The following DCPS variants were observed in gnomAD, a reference collection of about 807,000 sequenced individuals.
DCPS encodes the protein m7GpppX diphosphatase.
In DCPS, 27 loss-of-function variants were observed where a neutral mutation model predicts 34.7. That is an observed-to-expected ratio of 0.78 (90% CI 0.57 to 1.07). The LOEUF is 1.07. DCPS is among the 50% of genes least tolerant of loss of function. The pLI is 0.00. For synonymous variants in DCPS, 185 were observed against 185.7 expected (o/e 1.00, Z 0.03); for missense variants, 464 against 436.9 (o/e 1.06, Z -0.55).
rs1383608416 is a variant in DCPS at position 126,315,712 on chromosome 11, G to A, written c.376+8968G>A. ...GTGTATCATCTCCATGCCACTCAAA[G>A]GAGATTGCTTTATTTTCTCTTTGAG... On this transcript the variant is annotated intron_variant, in intron 2 of 5. Coordinates refer to ENST00000263579, the MANE Select transcript of DCPS (RefSeq NM_014026.6). This position sits in a 1 kb window ranked among gnomAD's most constrained non-coding sequence, Gnocchi z 6.1. Among the ~76,000 whole-genome samples the A allele has an allele frequency of 6.6e-6, 1 of 151,978 alleles. No individual in the cohort carries two copies. Among genetic ancestry groups the A allele is most frequent in the Admixed American group, 6.6e-5 (1 of 15,254 alleles).
In DCPS at chr11:126,319,001, T is replaced by C. The variant is rs911800473; in HGVS notation, c.376+12257T>C. Among the ~76,000 whole-genome samples the C allele has an allele frequency of 2.0e-5, 3 of 152,008 alleles. No individual in the cohort carries two copies. The highest frequency in any genetic ancestry group is 2.0e-4 in the Admixed American group (3 of 15,268). On this transcript the variant is annotated intron_variant, in intron 2 of 5. Transcript: ENST00000263579. This position sits in a 1 kb window ranked among gnomAD's most constrained non-coding sequence, Gnocchi z 4.5. ...CCACCTCTGAGAGCAGTTGGGCTTTTGTGTCTAGACGGGGGACAAAGGGTG... is the reference window on the plus strand; with the variant it reads ...CCACCTCTGAGAGCAGTTGGGCTTTCGTGTCTAGACGGGGGACAAAGGGTG...
In DCPS at chr11:126,328,509, G is replaced by A. The variant is rs1162901733; in HGVS notation, c.377-2896G>A. 6.6e-6 allele frequency among the ~76,000 whole-genome samples: 1 copy of A among 152,178 alleles called. No individual in the cohort carries two copies. Among genetic ancestry groups the A allele is most frequent in the East Asian group, 1.9e-4 (1 of 5,186 alleles). ...GTGGATGCTCTTGCTGCTGAGGGGA[G>A]GCGGGAGGGGCTGGCTGGGTGAGAC... On this transcript the variant is annotated intron_variant, in intron 2 of 5. Transcript: ENST00000263579. The surrounding 1 kb of genome is among the most constrained non-coding windows in gnomAD (Gnocchi z 6.6).
chr11:126,330,719 A>ATT lies in DCPS; in HGVS notation c.377-653_377-652dup, dbSNP rs1167717646. ...TATATATATATATATATATATATAT[A>ATT]TTTTTTTTTTTTTTTTTTTTTTTTT... On this transcript the variant is annotated intron_variant, in intron 2 of 5. Coordinates refer to ENST00000263579, the MANE Select transcript of DCPS (RefSeq NM_014026.6). Among the ~76,000 whole-genome samples the ATT allele has an allele frequency of 3.4e-3, 64 of 18,872 alleles. 3 individuals are homozygous for ATT. Among genetic ancestry groups the ATT allele is most frequent in the South Asian group, 6.8e-3 (2 of 292 alleles). 12.4% of individuals were successfully genotyped at this position (18,872 alleles called of 152,430 possible).
chr11:126,338,501 A>G lies in DCPS; in HGVS notation c.636+102A>G. On this transcript the variant is annotated intron_variant, in intron 4 of 5. Transcript: ENST00000263579. This position sits in a 1 kb window ranked among gnomAD's most constrained non-coding sequence, Gnocchi z 5.4. Reference sequence around the variant, plus strand: ...CTCACGCTGGCCTGTCTCTAAGCAGATTATAATTAACCAACAAGGGTTGGC... The same window carrying G: ...CTCACGCTGGCCTGTCTCTAAGCAGGTTATAATTAACCAACAAGGGTTGGC... 2 of 1,071,108 alleles carry G rather than the reference A, an allele frequency of 1.9e-6. No individual in the cohort carries two copies. The highest frequency in any genetic ancestry group is 2.8e-6 in the Non-Finnish European group (2 of 703,576). 66.4% of individuals were successfully genotyped at this position (1,071,108 alleles called of 1,614,324 possible). A position where few individuals can be genotyped will look rare whatever the true frequency, so the allele number is the denominator to read the frequency against.
chr11:126,314,606 A>G (rs529360704), intron 2 of DCPS, among the ~76,000 whole-genome samples: 2 of 152,286 alleles, frequency 1.3e-5, no homozygotes, highest in South Asian at 4.1e-4. Context: ...CCATCAATCA[A>G]CAAGTGGATA....
In DCPS at chr11:126,327,393, G is replaced by C. The variant is rs1336790807; in HGVS notation, c.377-4012G>C. Among the ~76,000 whole-genome samples the C allele has an allele frequency of 6.6e-6, 1 of 152,222 alleles. No homozygotes were observed. The highest frequency in any genetic ancestry group is 1.5e-5 in the Non-Finnish European group (1 of 68,038). On this transcript the variant is annotated intron_variant, in intron 2 of 5. Transcript: ENST00000263579. This position sits in a 1 kb window ranked among gnomAD's most constrained non-coding sequence, Gnocchi z 4.1. ...GCACATGATGTCGGCGTGCCCAGCA[G>C]GGGTGACGGTGACGCCCATGGCCTG...
chr11:126,330,369 TGGATTAAA>T (rs772900568), intron 2 of DCPS, among the ~76,000 whole-genome samples: 2 of 152,280 alleles, frequency 1.3e-5, no homozygotes, highest in Non-Finnish European at 2.9e-5. Context: ...TGAGAAACCC[TGGATTAAA>T]CATCACAGCA....
intron 2 of DCPS, among the ~76,000 whole-genome samples, chr11:126,307,663 T>C (rs1951583536): frequency 6.6e-6 from 1 of 152,140 alleles, no homozygotes; most frequent in Non-Finnish European, 1.5e-5. Flanking sequence ...CGTCTTGGCC[T>C]CCCAAAGTGC....
Position 126,313,557 on chromosome 11 carries a change from A to T in DCPS, c.376+6813A>T, listed in dbSNP as rs891413501. Among the ~76,000 whole-genome samples the T allele has an allele frequency of 6.6e-6, 1 of 152,212 alleles. No individual in the cohort carries two copies. The highest frequency in any genetic ancestry group is 1.5e-5 in the Non-Finnish European group (1 of 68,040). ...AAGGATAAATCTCACCATGTAGGGC[A>T]AGAAAAGCATGACACAGAATACACA... On this transcript the variant is annotated intron_variant, in intron 2 of 5. Transcript: ENST00000263579. The surrounding 1 kb of genome is among the most constrained non-coding windows in gnomAD (Gnocchi z 4.9).
In DCPS at chr11:126,319,946, A is replaced by G. The variant is rs1157446631; in HGVS notation, c.377-11459A>G. The stretch of plus-strand genomic sequence containing the variant: ...TGTTACACAAGTGATATGTAAATAT[A>G]TATAACTCCATCATCCAGGATTGAT... On this transcript the variant is annotated intron_variant, in intron 2 of 5. Coordinates refer to ENST00000263579, the MANE Select transcript of DCPS (RefSeq NM_014026.6). This position sits in a 1 kb window ranked among gnomAD's most constrained non-coding sequence, Gnocchi z 4.5. Among the ~76,000 whole-genome samples the G allele has an allele frequency of 6.6e-6, 1 of 152,000 alleles. No individual in the cohort carries two copies. Among genetic ancestry groups the G allele is most frequent in the African/African-American group, 2.4e-5 (1 of 41,364 alleles).
rs757309298 is a variant in DCPS at position 126,338,263 on chromosome 11, C to T, written c.523-23C>T. On this transcript the variant is annotated intron_variant, in intron 3 of 5. Coordinates refer to ENST00000263579, the MANE Select transcript of DCPS (RefSeq NM_014026.6). The surrounding 1 kb of genome is among the most constrained non-coding windows in gnomAD (Gnocchi z 5.4). ...AGGGGTGATGAGTGGATTTGTGAAC[C>T]ATCTCTCTCCCCCTCCTTTCAGTGG... is the stretch of plus-strand genomic sequence containing the variant. The T allele has an allele frequency of 1.2e-6, 2 of 1,609,632 alleles. No individual in the cohort carries two copies. Among genetic ancestry groups the T allele is most frequent in the African/African-American group, 1.3e-5 (1 of 74,826 alleles).
In DCPS at chr11:126,325,791, A is replaced by G. The variant is rs950601569; in HGVS notation, c.377-5614A>G. Among the ~76,000 whole-genome samples the G allele has an allele frequency of 3.3e-5, 5 of 152,112 alleles. No homozygotes were observed. The highest frequency in any genetic ancestry group is 7.2e-5 in the African/African-American group (3 of 41,432). Reference sequence around the variant, plus strand: ...AAGATTTTCCAGGGATAGATTTTTGAGGGTTTATGGTTATCCCAGGCTGTG... The same window carrying G: ...AAGATTTTCCAGGGATAGATTTTTGGGGGTTTATGGTTATCCCAGGCTGTG... On this transcript the variant is annotated intron_variant, in intron 2 of 5. Coordinates refer to ENST00000263579, the MANE Select transcript of DCPS (RefSeq NM_014026.6). This position sits in a 1 kb window ranked among gnomAD's most constrained non-coding sequence, Gnocchi z 4.3.
rs184746724 is a variant in DCPS, at chr11:126,347,517, C to A, written c.*1904C>A. 6.0e-4 allele frequency among the ~76,000 whole-genome samples: 91 copies of A among 152,332 alleles called. 1 individual carries two copies. Among genetic ancestry groups the A allele is most frequent in the African/African-American group, 2.1e-3 (87 of 41,582 alleles). On this transcript the variant is annotated 3_prime_UTR_variant, in exon 6 of 6. Transcript: ENST00000263579. The surrounding 1 kb of genome is among the most constrained non-coding windows in gnomAD (Gnocchi z 4.2). ...GGGATTCCAGGCGTGAGCCACCGCG[C>A]CCAGCCCCTGCAATACGTCAACAGT...
chr11:126,310,495 C>CA (rs1951611310), intron 2 of DCPS, among the ~76,000 whole-genome samples: 1 of 152,138 alleles, frequency 6.6e-6, no homozygotes, highest in Non-Finnish European at 1.5e-5. Context: ...GGGGTGGGGA[C>CA]ATAGTGGTGA....
rs1163115158 is a variant in DCPS, at chr11:126,312,567, C to T, written c.376+5823C>T. ...CGTTGGCCAGGCTGGTCTCAAACTC[C>T]TGATCTCGGGTGATCCGCCCGCTTT... On this transcript the variant is annotated intron_variant, in intron 2 of 5. Transcript: ENST00000263579. The surrounding 1 kb of genome is among the most constrained non-coding windows in gnomAD (Gnocchi z 5.1). 1.3e-5 allele frequency among the ~76,000 whole-genome samples: 2 copies of T among 152,248 alleles called. No homozygotes were observed. The highest frequency in any genetic ancestry group is 1.9e-4 in the East Asian group (1 of 5,172).
chr11:126,327,443 T>C lies in DCPS; in HGVS notation c.377-3962T>C, dbSNP rs1053919290. On this transcript the variant is annotated intron_variant, in intron 2 of 5. Transcript: ENST00000263579. This position sits in a 1 kb window ranked among gnomAD's most constrained non-coding sequence, Gnocchi z 4.1. ...GGCCGAGGTGGTAGCCTTTTGCTGC[T>C]GTAAAGCGACTCGTGTTCCCTTTGT... is the stretch of plus-strand genomic sequence containing the variant. Among the ~76,000 whole-genome samples the C allele has an allele frequency of 2.6e-5, 4 of 152,246 alleles. No homozygotes were observed. The highest frequency in any genetic ancestry group is 1.3e-4 in the Admixed American group (2 of 15,290).
At chr11:126,308,281 A>G (rs1951589977) in intron 2 of DCPS, among the ~76,000 whole-genome samples, 1 of 152,206 alleles carries the variant, frequency 6.6e-6, no homozygotes, top group Admixed American at 6.5e-5. Flanking sequence ...GTTTTACAGC[A>G]CATGGTGACT....
intron 2 of DCPS, among the ~76,000 whole-genome samples, chr11:126,308,960 C>T (rs116696936): frequency 0.015 from 2,346 of 151,952 alleles, 75 homozygotes; most frequent in African/African-American, 0.053. Context: ...CCCCAGGTGT[C>T]TCCAGGGCCA....
Position 126,346,906 on chromosome 11 carries a change from A to G in DCPS, c.*1293A>G, listed in dbSNP as rs113067745. Among the ~76,000 whole-genome samples, 3 of 152,230 alleles carry G rather than the reference A, an allele frequency of 2.0e-5. No homozygotes were observed. The highest frequency in any genetic ancestry group is 7.2e-5 in the African/African-American group (3 of 41,552). ...CCTTAGAAACAGCAGAATCACGAAC[A>G]TGGTGAAACCCATCTCTACTAAAAA... On this transcript the variant is annotated 3_prime_UTR_variant, in exon 6 of 6. Coordinates refer to ENST00000263579, the MANE Select transcript of DCPS (RefSeq NM_014026.6). This position sits in a 1 kb window ranked among gnomAD's most constrained non-coding sequence, Gnocchi z 4.1.
Sources: allele counts gnomAD v4.1 joint callset (sites outside exome capture counted in the v4.1 genomes callset), GRCh38; gene constraint gnomAD v4.1.1; non-coding constraint Gnocchi (gnomAD v3.1); transcripts MANE v1.5; gene names NCBI Gene and HGNC (gene_info 2026-07-23, HGNC 2026-07-21).